The following TRDN variants were observed in gnomAD, a reference collection of about 807,000 sequenced individuals.
TRDN encodes triadin.
A neutral mutation model predicts 149.7 loss-of-function variants in TRDN; 161 were observed. The observed-to-expected ratio is 1.08, with a 90% CI of 0.95 to 1.23. The LOEUF (loss-of-function observed/expected upper bound fraction) is 1.23. Ranked by LOEUF, TRDN falls within the 50% of genes most tolerant of loss-of-function variation. TRDN has a pLI of 0.00. For missense variants in TRDN, 896 were observed against 823.5 expected (o/e 1.09, Z -1.08); for synonymous variants, 294 against 250.5 (o/e 1.17, Z -1.64).
chr6:123,618,890 G>C (rs1480775930), intron 1 of TRDN, among the ~76,000 whole-genome samples: 1 of 151,268 alleles, frequency 6.6e-6, no homozygotes, highest in Non-Finnish European at 1.5e-5. Context: ...TCTTTTTTAT[G>C]AATTTCTCTC....
intron 2 of TRDN, among the ~76,000 whole-genome samples, chr6:123,569,415 A>C (rs990524568): frequency 6.6e-6 from 1 of 152,174 alleles, no homozygotes; most frequent in South Asian, 2.1e-4. Context: ...CCCATTACCC[A>C]GTTCCCAAGT....
chr6:123,602,178 C>T (rs1335641922), intron 1 of TRDN, among the ~76,000 whole-genome samples: 2 of 151,850 alleles, frequency 1.3e-5, no homozygotes, highest in Non-Finnish European at 2.9e-5. Context: ...AATATATAAC[C>T]AACCTAAATG....
intron 10 of TRDN, among the ~76,000 whole-genome samples, chr6:123,453,543 C>G (rs941494478): frequency 2.6e-5 from 4 of 151,994 alleles, no homozygotes; most frequent in Non-Finnish European, 5.9e-5. Flanking sequence ...AAATGCAAAT[C>G]AAAACCACAA....
At chr6:123,422,808 T>G (rs1773964843) in intron 12 of TRDN, among the ~76,000 whole-genome samples, 1 of 152,138 alleles carries the variant, frequency 6.6e-6, no homozygotes, top group African/African-American at 2.4e-5. Context: ...AAATTCTAGA[T>G]TGCAAACCCC....
At chr6:123,437,961 T>C (rs1774665581) in intron 12 of TRDN, 102 bp downstream of exon 12, 2 of 1,011,762 alleles carry the variant, frequency 2.0e-6, no homozygotes, top group South Asian at 1.5e-5. Flanking sequence ...CTTGGGTAGA[T>C]ATAAGTAACT....
intron 1 of TRDN, among the ~76,000 whole-genome samples, chr6:123,591,757 G>A (rs549646763): frequency 6.6e-6 from 1 of 152,262 alleles, no homozygotes; most frequent in East Asian, 1.9e-4. Context: ...GCAGCTTCCT[G>A]TGCCTTTCAA....
chr6:123,417,444 C>G (rs1301692060), intron 12 of TRDN, among the ~76,000 whole-genome samples: 1 of 152,062 alleles, frequency 6.6e-6, no homozygotes, highest in Non-Finnish European at 1.5e-5. Flanking sequence ...TGCAGGAAGA[C>G]TGGTAGCAAT....
intron 7 of TRDN, among the ~76,000 whole-genome samples, chr6:123,507,447 A>C (rs1177771425): frequency 6.6e-6 from 1 of 152,136 alleles, no homozygotes; most frequent in Non-Finnish European, 1.5e-5. Flanking sequence ...GACACTCTTC[A>C]ATCACATTCA....
intron 38 of TRDN, among the ~76,000 whole-genome samples, chr6:123,246,871 G>T (rs763697660): frequency 4.0e-5 from 6 of 151,762 alleles, no homozygotes; most frequent in Non-Finnish European, 7.4e-5. Flanking sequence ...CTGACAAACC[G>T]AATCCAGCAG....
chr6:123,624,866 T>C (rs1785570388), intron 1 of TRDN, among the ~76,000 whole-genome samples: 1 of 152,222 alleles, frequency 6.6e-6, no homozygotes, highest in South Asian at 2.1e-4. Context: ...GACAGGGAAC[T>C]AGGAAACATA....
rs1781714065 is a variant in TRDN, at chr6:123,381,365, CT to C, written c.1186+4del. 2 of 1,555,386 alleles carry C rather than the reference CT, an allele frequency of 1.3e-6. No homozygotes were observed. Among genetic ancestry groups the C allele is most frequent in the Non-Finnish European group, 8.7e-7 (1 of 1,148,382 alleles). Reference sequence around the variant, plus strand: ...TACACAAATACACTGCATGCATTTCCTTACTTTTTCCCTTGGGTTGTTCTAC... The same window carrying C: ...TACACAAATACACTGCATGCATTTCCTACTTTTTCCCTTGGGTTGTTCTAC... On this transcript the variant is annotated splice_donor_region_variant and intron_variant, in intron 16 of 40. Transcript: ENST00000334268.
At chr6:123,573,853 T>C (rs1782695806) in intron 1 of TRDN, among the ~76,000 whole-genome samples, 1 of 152,040 alleles carries the variant, frequency 6.6e-6, no homozygotes, top group Admixed American at 6.6e-5. Flanking sequence ...AGGATGCTTG[T>C]AGTATAAGTG....
At chr6:123,559,823 C>T (rs1355155944) in intron 2 of TRDN, among the ~76,000 whole-genome samples, 7 of 152,162 alleles carry the variant, frequency 4.6e-5, no homozygotes, top group African/African-American at 1.4e-4. Context: ...AACCCATATA[C>T]TCTCCTATCC....
chr6:123,550,115 A>G (rs1467449423), intron 2 of TRDN, among the ~76,000 whole-genome samples: 4 of 152,094 alleles, frequency 2.6e-5, no homozygotes, highest in Admixed American at 6.6e-5. Context: ...AACTGAAAAC[A>G]GAAACTTCAG....
chr6:123,270,485 A>T (rs946525712), intron 30 of TRDN, among the ~76,000 whole-genome samples: 8 of 151,868 alleles, frequency 5.3e-5, no homozygotes, highest in Non-Finnish European at 1.2e-4. Flanking sequence ...TTAATGGCTG[A>T]GGTGGGTAGG....
intron 1 of TRDN, among the ~76,000 whole-genome samples, chr6:123,593,537 G>A (rs1312923661): frequency 2.0e-5 from 3 of 152,224 alleles, no homozygotes; most frequent in Non-Finnish European, 1.5e-5. Context: ...AGTATTGATA[G>A]GGTTCTTTCT....
chr6:123,636,812 C>A lies in TRDN; in HGVS notation c.-37G>T. Reference sequence around the variant, plus strand: ...AAAGTAAAAGTCAGTTGAAAAGTTCCCGTCAAGTTGCACTTTGCAGAGTAT... The same window carrying A: ...AAAGTAAAAGTCAGTTGAAAAGTTCACGTCAAGTTGCACTTTGCAGAGTAT... On this transcript the variant is annotated 5_prime_UTR_variant, in exon 1 of 41. Transcript: ENST00000334268. 1.2e-6 allele frequency: 2 copies of A among 1,610,882 alleles called. No individual in the cohort carries two copies. The highest frequency in any genetic ancestry group is 8.5e-7 in the Non-Finnish European group (1 of 1,178,018).
intron 10 of TRDN, among the ~76,000 whole-genome samples, chr6:123,445,383 A>G (rs973760667): frequency 7.7e-6 from 1 of 130,544 alleles, no homozygotes; most frequent in African/African-American, 3.4e-5. Context: ...AAAATTGACA[A>G]ATGGGATCTA....
chr6:123,522,599 G>A (rs1210877907), intron 5 of TRDN, among the ~76,000 whole-genome samples: 2 of 148,898 alleles, frequency 1.3e-5, no homozygotes, highest in Non-Finnish European at 3.0e-5. Flanking sequence ...TTTCAGTGTG[G>A]GTGTTTTCAG....
Sources: allele counts gnomAD v4.1 joint callset (sites outside exome capture counted in the v4.1 genomes callset), GRCh38; gene constraint gnomAD v4.1.1; transcripts MANE v1.5; gene names NCBI Gene and HGNC (gene_info 2026-07-23, HGNC 2026-07-21).